FOXP1: variants seen among roughly 807,000 people sequenced by gnomAD.
The protein encoded by FOXP1 is forkhead box P1.
Under a neutral mutation model 98.2 loss-of-function variants are expected in FOXP1, and 15 were observed. The observed-to-expected ratio is 0.15, with a 90% confidence interval of 0.10 to 0.24. The LOEUF (loss-of-function observed/expected upper bound fraction) is 0.24. Among genes scored for constraint, FOXP1 ranks in the 10% least tolerant of loss-of-function variants. The pLI is 1.00. For synonymous variants in FOXP1, 371 were observed against 314.5 expected (o/e 1.18, Z -1.90); for missense variants, 633 against 848.5 (o/e 0.75, Z 3.15).
At chr3:71,174,785 TACACACACACACACACAC>T (rs3064896) in intron 6 of FOXP1, among the ~76,000 whole-genome samples, 7 of 131,678 alleles carry the variant, frequency 5.3e-5, no homozygotes, top group South Asian at 5.2e-4. Context: ...TGCACATGCA[TACACACACACACACACAC>T]ACACACACAC....
chr3:71,107,469 C>T (rs184072722), intron 7 of FOXP1, among the ~76,000 whole-genome samples: 4 of 152,126 alleles, frequency 2.6e-5, no homozygotes, highest in East Asian at 3.9e-4. Flanking sequence ...TATTTCTTAT[C>T]GAGACTTATT....
chr3:71,087,658 C>T (rs1163021456), intron 7 of FOXP1, among the ~76,000 whole-genome samples: 1 of 152,168 alleles, frequency 6.6e-6, no homozygotes, highest in East Asian at 1.9e-4. Flanking sequence ...CAGAAAAACC[C>T]TGCTTTGCTG....
intron 11 of FOXP1, among the ~76,000 whole-genome samples, chr3:71,041,048 G>A (rs1272054726): frequency 2.0e-5 from 3 of 152,150 alleles, no homozygotes; most frequent in Non-Finnish European, 4.4e-5. Context: ...GAGTAGGCCT[G>A]GAAGCCTGGA....
intron 14 of FOXP1, among the ~76,000 whole-genome samples, chr3:70,985,335 G>A (rs1477946813): frequency 1.3e-5 from 2 of 152,084 alleles, no homozygotes; most frequent in Non-Finnish European, 2.9e-5. Context: ...AGATAGCTCT[G>A]GGCCCTTAAA....
rs554384019 is a variant in FOXP1, at chr3:71,195,264, C to T, written c.180+2938G>A. Among the ~76,000 whole-genome samples, 32 of 152,294 alleles carry T rather than the reference C, an allele frequency of 2.1e-4. 1 individual carries two copies. In the East Asian group the frequency reaches 3.1e-3, roughly 15 times the overall value. On this transcript the variant is annotated intron_variant, in intron 6 of 20. Coordinates refer to ENST00000649528, the MANE Select transcript of FOXP1 (RefSeq NM_001349338.3). ...CAAAACTCACTATGGAACTAGTGCA[C>T]TCCATAGTGAATCTTTGTCAGGGCC... is the stretch of plus-strand genomic sequence containing the variant.
At chr3:71,039,415 ATTC>A (rs1200597973) in intron 11 of FOXP1, among the ~76,000 whole-genome samples, 1 of 152,184 alleles carries the variant, frequency 6.6e-6, no homozygotes, top group Non-Finnish European at 1.5e-5. Flanking sequence ...GAAAAGGGCT[ATTC>A]TTCTCCCACT....
chr3:71,288,563 T>A (rs1433063932), intron 5 of FOXP1: 1 of 152,234 alleles, frequency 6.6e-6, no homozygotes, highest in Non-Finnish European at 1.5e-5. Flanking sequence ...ATACTTCAGA[T>A]GATTACAATC....
At chr3:71,548,388 C>A (rs2045527807) in intron 2 of FOXP1, among the ~76,000 whole-genome samples, 1 of 151,874 alleles carries the variant, frequency 6.6e-6, no homozygotes, top group Admixed American at 6.5e-5. Context: ...TTTCCTGTCC[C>A]CCTTCCTCAA....
intron 4 of FOXP1, among the ~76,000 whole-genome samples, chr3:71,300,175 A>G (rs1451113191): frequency 1.3e-5 from 2 of 152,208 alleles, no homozygotes; most frequent in East Asian, 1.9e-4. Context: ...ATGGAGAATA[A>G]TATGTGACTC....
intron 7 of FOXP1, among the ~76,000 whole-genome samples, chr3:71,081,051 G>A (rs2054357684): frequency 6.6e-6 from 1 of 152,174 alleles, no homozygotes; most frequent in Non-Finnish European, 1.5e-5. Flanking sequence ...GGCAGAAGGA[G>A]GCAACCTCCG....
At chr3:71,375,332 C>T (rs992381031) in intron 3 of FOXP1, among the ~76,000 whole-genome samples, 1 of 152,142 alleles carries the variant, frequency 6.6e-6, no homozygotes, top group Non-Finnish European at 1.5e-5. Context: ...AGAGAAGACA[C>T]AACAAATTGG....
chr3:70,965,445 G>A (rs562282300), intron 20 of FOXP1, among the ~76,000 whole-genome samples: 80 of 152,336 alleles, frequency 5.3e-4, no homozygotes, highest in African/African-American at 1.9e-3. Flanking sequence ...CATCATTAAT[G>A]GTTGGTAATA....
At chr3:71,134,856 C>T (rs1256971677) in intron 6 of FOXP1, among the ~76,000 whole-genome samples, 1 of 152,058 alleles carries the variant, frequency 6.6e-6, no homozygotes, top group Non-Finnish European at 1.5e-5. Flanking sequence ...TATTTGTACC[C>T]CCCAACACTG....
At chr3:71,368,745 A>G (rs980038136) in intron 3 of FOXP1, among the ~76,000 whole-genome samples, 1 of 152,200 alleles carries the variant, frequency 6.6e-6, no homozygotes, top group Non-Finnish European at 1.5e-5. Flanking sequence ...TTTCTGCTCA[A>G]TGGGATGTCA....
At chr3:71,296,350 A>G (rs2073289894) in intron 5 of FOXP1, 1 of 152,170 alleles carries the variant, frequency 6.6e-6, no homozygotes, top group Non-Finnish European at 1.5e-5. Context: ...TCTTCTCCTC[A>G]TTTAAGGCTT....
chr3:71,012,029 C>T (rs764789282), intron 12 of FOXP1, among the ~76,000 whole-genome samples: 14 of 152,044 alleles, frequency 9.2e-5, no homozygotes, highest in Non-Finnish European at 1.2e-4. Context: ...GGATTTTTTA[C>T]GGTAGGCATA....
At chr3:71,519,317 G>C (rs889106129) in intron 2 of FOXP1, among the ~76,000 whole-genome samples, 1 of 152,140 alleles carries the variant, frequency 6.6e-6, no homozygotes, top group Non-Finnish European at 1.5e-5. Context: ...TAGAAGGCTG[G>C]GGATACCATG....
chr3:71,113,668 G>A lies in FOXP1; in HGVS notation c.181-1031C>T, dbSNP rs181726996. Among the ~76,000 whole-genome samples the A allele has an allele frequency of 5.8e-4, 81 of 138,970 alleles. 1 individual carries two copies. Among genetic ancestry groups the A allele is most frequent in the Admixed American group, 4.6e-3 (60 of 12,950 alleles). 91.2% of individuals were successfully genotyped at this position (138,970 alleles called of 152,430 possible). ...GCAGAGGTTAGGGTAAGTCGAGATC[G>A]CACCACTGTGCTTCAGCCTGGGTAA... On this transcript the variant is annotated intron_variant, in intron 6 of 20. Transcript: ENST00000649528.
At chr3:71,099,551 A>G (rs1053955312) in intron 7 of FOXP1, among the ~76,000 whole-genome samples, 3 of 151,886 alleles carry the variant, frequency 2.0e-5, no homozygotes, top group Admixed American at 6.6e-5. Context: ...AAACAAAAAA[A>G]CCCCACAGTT....
Sources: gnomAD v4.1 joint callset for allele counts (sites outside exome capture counted in the v4.1 genomes callset) on GRCh38, gnomAD v4.1.1 for gene constraint, MANE v1.5 for transcripts, NCBI Gene and HGNC (gene_info 2026-07-23, HGNC 2026-07-21) for gene names.